Variants in JADE3 observed in about 807,000 individuals in gnomAD.
The protein encoded by JADE3 is jade family PHD finger 3, also known as protein Jade-3.
JADE3 carries 2 observed loss-of-function variants against 50.1 expected under a neutral mutation model. The ratio of observed to expected loss-of-function variants is 0.04; its 90% CI spans 0.02 to 0.13. JADE3 has a LOEUF of 0.13. Among genes scored for constraint, JADE3 ranks in the 10% least tolerant of loss-of-function variants. The pLI, the probability that JADE3 is intolerant of heterozygous loss-of-function variation, is 1.00. For missense variants in JADE3, 475 were observed against 634.4 expected, an observed-to-expected ratio of 0.75 and a Z score of 2.70; for synonymous variants, 218 against 232.9, an observed-to-expected ratio of 0.94 and a Z score of 0.58.
intron 4 of JADE3, among the ~76,000 whole-genome samples, chrX:47,023,281 A>ACT (rs1928836434): frequency 9.0e-6 from 1 of 111,466 alleles, no homozygotes; most frequent in East Asian, 2.8e-4. Context: ...CCTCACTGAC[A>ACT]GGCAGCAGTG....
At chrX:46,986,530 G>T (rs1387402689) in intron 3 of JADE3, among the ~76,000 whole-genome samples, 1 of 112,442 alleles carries the variant, frequency 8.9e-6, no homozygotes, top group Non-Finnish European at 1.9e-5. Context: ...TAGGGGAACT[G>T]GGAAGGACCT....
At chrX:46,999,432 A>AAC (rs1339901776) in intron 4 of JADE3, among the ~76,000 whole-genome samples, 2 of 101,191 alleles carry the variant, frequency 2.0e-5, no homozygotes, top group Admixed American at 2.3e-4. Context: ...ATACATATAT[A>AAC]ACATATATAT....
Position 47,058,457 on chromosome X carries a change from G to C in JADE3, c.1852G>C (p.Glu618Gln), listed in dbSNP as rs140120440. Residue 618 changes from glutamate to glutamine, a missense_variant, in exon 11 of 11, where the codon GAG becomes CAG. Glu to Gln is a conservative substitution (Grantham distance 29). Around this residue, in one of 6 missense-constraint regions of JADE3, gnomAD observed 243 missense variants for 238.2 expected, o/e 1.02. Transcript: ENST00000614628. ...CAGCCATTCTAGGAGTGAAGCAAAGGAGTCCAGTCCTGCTTGGAGAACCCC... is the reference window on the plus strand; with the variant it reads ...CAGCCATTCTAGGAGTGAAGCAAAGCAGTCCAGTCCTGCTTGGAGAACCCC... ...SLSHSRSEAK[E>Q]SSPAWRTPSS... 3.2e-5 allele frequency: 39 copies of C among 1,209,522 alleles called. No individual in the cohort carries two copies. Among genetic ancestry groups the C allele is most frequent in the Non-Finnish European group, 4.0e-5 (36 of 895,044 alleles).
At position 47,058,780 on chromosome X, in the gene JADE3, G is replaced by A. The variant is rs1929694667; in HGVS notation, c.2175G>A (p.Lys725=). The A allele has an allele frequency of 8.3e-7, 1 of 1,208,919 alleles. No individual in the cohort carries two copies. The highest frequency in any genetic ancestry group is 3.0e-5 in the East Asian group (1 of 33,810). ...AAGAGACCACCAATAGGTGGGTGAA[G>A]AACACAGAGGACCTCCAGTGCTATG... ...SFKETTNRWV[K]NTEDLQCYVK... The change falls in exon 11 of 11, where the codon AAG becomes AAA. Residue 725 remains lysine, a synonymous_variant. Coordinates refer to ENST00000614628, the MANE Select transcript of JADE3 (RefSeq NM_014735.5).
At chrX:46,945,833 C>A (rs1449372202) in intron 1 of JADE3, among the ~76,000 whole-genome samples, 1 of 111,481 alleles carries the variant, frequency 9.0e-6, no homozygotes, top group Non-Finnish European at 1.9e-5. Flanking sequence ...TCTCTTGGGG[C>A]CCCTTCTTTA....
chrX:46,925,759 GCTTGCAGTGAGCCGAGATCACAGTA>G (rs1223861931), intron 1 of JADE3, among the ~76,000 whole-genome samples: 1 of 107,669 alleles, frequency 9.3e-6, no homozygotes, highest in African/African-American at 3.4e-5. Flanking sequence ...GGGAGGCAGA[GCTTGCAGTGAGCCGAGATCACAGTA>G]CTGCACTCCA....
At chrX:46,976,601 CTCTGA>C (rs782644156) in intron 1 of JADE3, among the ~76,000 whole-genome samples, 3 of 111,834 alleles carry the variant, frequency 2.7e-5, no homozygotes, top group South Asian at 3.8e-4. Flanking sequence ...AAAGTCTGTG[CTCTGA>C]TCTGAGGACT....
At chrX:46,919,245 C>G (rs1485661149) in intron 1 of JADE3, among the ~76,000 whole-genome samples, 1 of 111,535 alleles carries the variant, frequency 9.0e-6, no homozygotes, top group African/African-American at 3.3e-5. Flanking sequence ...AAAGGAGTCT[C>G]TAGATTTCCT....
intron 1 of JADE3, among the ~76,000 whole-genome samples, chrX:46,954,397 C>T (rs1242657240): frequency 3.6e-5 from 4 of 111,930 alleles, no homozygotes; most frequent in South Asian, 3.7e-4. Context: ...ATAACAGTCA[C>T]TTTTATGAAA....
intron 1 of JADE3, among the ~76,000 whole-genome samples, chrX:46,939,493 TG>T (rs1926705865): frequency 8.9e-6 from 1 of 111,822 alleles, no homozygotes; most frequent in Non-Finnish European, 1.9e-5. Context: ...TCTCTTTCAA[TG>T]ATGTGGAAGA....
intron 5 of JADE3, among the ~76,000 whole-genome samples, chrX:47,025,128 C>T (rs980548227): frequency 6.3e-5 from 7 of 111,527 alleles, no homozygotes; most frequent in Admixed American, 2.9e-4. Flanking sequence ...CCTTTTCTTT[C>T]CTCATTCATA....
chrX:47,024,527 C>G (rs1488860266), intron 4 of JADE3, among the ~76,000 whole-genome samples, 197 bp from the exon 5 acceptor site: 2 of 111,644 alleles, frequency 1.8e-5, no homozygotes, highest in African/African-American at 6.5e-5. Flanking sequence ...TGTTGGGAAC[C>G]AGGATCCATG....
intron 1 of JADE3, among the ~76,000 whole-genome samples, chrX:46,937,924 G>A (rs1281775917): frequency 8.9e-6 from 1 of 111,927 alleles, no homozygotes; most frequent in Non-Finnish European, 1.9e-5. Context: ...AGGTTGCAGT[G>A]AGCTGAGATC....
chrX:47,051,798 C>CA (rs1195278333), intron 8 of JADE3, among the ~76,000 whole-genome samples: 97 of 68,854 alleles, frequency 1.4e-3, no homozygotes, highest in African/African-American at 2.2e-3. Flanking sequence ...CTCTGTCTCC[C>CA]AAAAAAAAAA....
intron 1 of JADE3, among the ~76,000 whole-genome samples, chrX:46,950,864 G>T (rs1173666284): frequency 2.7e-5 from 3 of 110,302 alleles, no homozygotes; most frequent in African/African-American, 9.9e-5. Context: ...TCTTGTTTAG[G>T]TTTTGTATAT....
chrX:46,957,312 G>A, intron 1 of JADE3, among the ~76,000 whole-genome samples: 1 of 111,455 alleles, frequency 9.0e-6, no homozygotes, highest in Non-Finnish European at 1.9e-5. Context: ...CATAAATGGT[G>A]GTATTATGAA....
intron 1 of JADE3, among the ~76,000 whole-genome samples, chrX:46,936,159 C>T (rs1266428771): frequency 9.2e-6 from 1 of 108,704 alleles, no homozygotes; most frequent in African/African-American, 3.4e-5. Flanking sequence ...GCTGGGATTA[C>T]AGGCGCCTGC....
At chrX:46,991,507 G>A (rs1220895276) in intron 3 of JADE3, among the ~76,000 whole-genome samples, 1 of 111,472 alleles carries the variant, frequency 9.0e-6, no homozygotes, top group Non-Finnish European at 1.9e-5. Context: ...GAGTAATTCT[G>A]CTATGAACAT....
chrX:47,033,381 T>C (rs782208193), intron 6 of JADE3, among the ~76,000 whole-genome samples: 196 of 112,199 alleles, frequency 1.7e-3, no homozygotes, highest in African/African-American at 5.6e-3. Flanking sequence ...CTGTATCTCC[T>C]CGTCTTGTTC....
Sources: gnomAD v4.1 joint callset for allele counts (sites outside exome capture counted in the v4.1 genomes callset) on GRCh38, gnomAD v4.1.1 for gene constraint, gnomAD v4.1.1 regional missense constraint, MANE v1.5 for transcripts, NCBI Gene and HGNC (gene_info 2026-07-23, HGNC 2026-07-21) for gene names.